The following SLC39A11 variants were observed in gnomAD, a reference collection of about 807,000 sequenced individuals.
SLC39A11 encodes the protein zinc transporter ZIP11.
A neutral mutation model predicts 36.1 loss-of-function variants in SLC39A11; 33 were observed. The ratio of observed to expected loss-of-function variants is 0.91; its 90% confidence interval spans 0.69 to 1.22. The LOEUF is 1.22. Ranked by LOEUF, SLC39A11 falls within the 50% of genes most tolerant of loss-of-function variation. The probability of loss-of-function intolerance (pLI) is 0.00; values close to 1 mark genes in which losing one functional copy is unlikely to be tolerated. For missense variants in SLC39A11, 432 were observed against 430.3 expected, an observed-to-expected ratio of 1.00 and a Z score of -0.03; for synonymous variants, 166 against 170.3, an observed-to-expected ratio of 0.97 and a Z score of 0.20.
chr17:72,673,153 GC>G (rs1237430303), intron 7 of SLC39A11, among the ~76,000 whole-genome samples: 2 of 152,064 alleles, frequency 1.3e-5, no homozygotes, highest in African/African-American at 4.8e-5. Flanking sequence ...TGTCACCCAG[GC>G]TGGAGAGCAA....
chr17:72,722,378 T>A (rs1407233583), intron 7 of SLC39A11, among the ~76,000 whole-genome samples: 1 of 152,204 alleles, frequency 6.6e-6, no homozygotes, highest in Non-Finnish European at 1.5e-5. Context: ...CAGAATAAAT[T>A]GCAGAGTCCA....
At chr17:73,052,307 T>A (rs1302583996) in intron 3 of SLC39A11, among the ~76,000 whole-genome samples, 1 of 150,538 alleles carries the variant, frequency 6.6e-6, no homozygotes, top group African/African-American at 2.5e-5. Flanking sequence ...AAAGACAGGA[T>A]GCTAGAGGGG....
At chr17:72,751,598 G>C (rs1173500195) in intron 6 of SLC39A11, among the ~76,000 whole-genome samples, 1 of 151,270 alleles carries the variant, frequency 6.6e-6, no homozygotes, top group African/African-American at 2.4e-5. Context: ...TTTTTTTTGA[G>C]ACAGAGTCTT....
intron 5 of SLC39A11, among the ~76,000 whole-genome samples, chr17:72,897,148 C>CATG (rs1421202954): frequency 2.6e-5 from 4 of 151,182 alleles, no homozygotes; most frequent in Non-Finnish European, 5.9e-5. Flanking sequence ...GACCAGGAAG[C>CATG]ATGGAAACCA....
chr17:72,889,602 A>G (rs78429640), intron 5 of SLC39A11, among the ~76,000 whole-genome samples: 1 of 152,288 alleles, frequency 6.6e-6, no homozygotes, highest in African/African-American at 2.4e-5. Context: ...TCACAAAACA[A>G]TTTGATTCAA....
intron 7 of SLC39A11, among the ~76,000 whole-genome samples, chr17:72,698,305 T>C (rs2072414061): frequency 6.6e-6 from 1 of 152,214 alleles, no homozygotes; most frequent in South Asian, 2.1e-4. Context: ...ACTAAACTGA[T>C]GTGGTTACTC....
intron 5 of SLC39A11, among the ~76,000 whole-genome samples, chr17:72,899,988 A>AAGAGAGAGAGAGAGAAAGAG (rs1199171857): frequency 8.4e-5 from 2 of 23,812 alleles, no homozygotes; most frequent in East Asian, 5.3e-3. Flanking sequence ...GAGAGAAAGA[A>AAGAGAGAGAGAGAGAAAGAG]AGAGAGAGAG....
intron 3 of SLC39A11, among the ~76,000 whole-genome samples, chr17:73,032,889 C>T (rs188943919): frequency 1.3e-5 from 2 of 152,282 alleles, no homozygotes; most frequent in Admixed American, 1.3e-4. Context: ...ATGATGTTTT[C>T]TATTGCGATT....
chr17:72,771,697 T>C (rs984694448), intron 6 of SLC39A11, among the ~76,000 whole-genome samples: 4 of 152,222 alleles, frequency 2.6e-5, no homozygotes, highest in African/African-American at 9.6e-5. Context: ...TCAGCCACGC[T>C]GAGGCCAACT....
chr17:72,754,552 G>A (rs1322068860), intron 6 of SLC39A11, among the ~76,000 whole-genome samples: 1 of 150,006 alleles, frequency 6.7e-6, no homozygotes, highest in Non-Finnish European at 1.5e-5. Flanking sequence ...AAGAGTGTGG[G>A]AATCATAAAG....
chr17:72,959,805 T>G (rs993020919), intron 4 of SLC39A11, among the ~76,000 whole-genome samples: 2 of 152,162 alleles, frequency 1.3e-5, no homozygotes, highest in African/African-American at 4.8e-5. Context: ...AAGTCACCAC[T>G]CTCTGTGCCT....
intron 5 of SLC39A11, among the ~76,000 whole-genome samples, chr17:72,854,481 C>A (rs1157536171): frequency 1.3e-5 from 2 of 152,080 alleles, no homozygotes; most frequent in East Asian, 3.9e-4. Context: ...TTCTTACTTG[C>A]AGACAAACCT....
intron 5 of SLC39A11, among the ~76,000 whole-genome samples, chr17:72,850,487 G>A (rs1309628925): frequency 1.3e-5 from 2 of 151,614 alleles, no homozygotes; most frequent in African/African-American, 2.4e-5. Flanking sequence ...TCACTGAACA[G>A]GCATTCAGTG....
At chr17:72,670,735 G>A (rs978561779) in intron 7 of SLC39A11, among the ~76,000 whole-genome samples, 1 of 152,156 alleles carries the variant, frequency 6.6e-6, no homozygotes, top group Non-Finnish European at 1.5e-5. Context: ...GTCAAAAGAT[G>A]CGTTTTGATA....
intron 4 of SLC39A11, among the ~76,000 whole-genome samples, chr17:72,970,464 A>C (rs2087355510): frequency 6.6e-6 from 1 of 152,240 alleles, no homozygotes. Context: ...AAACAAAGGG[A>C]ATTCTGAGCA....
intron 6 of SLC39A11, among the ~76,000 whole-genome samples, chr17:72,741,516 C>T (rs2074702639): frequency 6.6e-6 from 1 of 152,190 alleles, no homozygotes. Flanking sequence ...AGGTATAAGG[C>T]TTATAGCCCA....
intron 5 of SLC39A11, among the ~76,000 whole-genome samples, chr17:72,904,612 A>G (rs2082556982): frequency 6.6e-6 from 1 of 152,178 alleles, no homozygotes; most frequent in African/African-American, 2.4e-5. Flanking sequence ...TTTGCCACTG[A>G]AGGAATCCTG....
chr17:72,971,877 A>G (rs1264694154), intron 4 of SLC39A11, among the ~76,000 whole-genome samples: 2 of 152,170 alleles, frequency 1.3e-5, no homozygotes, highest in African/African-American at 2.4e-5. Flanking sequence ...GGTTTTATCT[A>G]CAAAGCACCT....
intron 5 of SLC39A11, among the ~76,000 whole-genome samples, chr17:72,893,818 A>G (rs1232593234): frequency 6.6e-6 from 1 of 152,186 alleles, no homozygotes; most frequent in Admixed American, 6.5e-5. Context: ...GATAAGTCCC[A>G]TTGTTGGAGA....
Sources: gnomAD v4.1 joint callset for allele counts (sites outside exome capture counted in the v4.1 genomes callset) on GRCh38, gnomAD v4.1.1 for gene constraint, MANE v1.5 for transcripts, NCBI Gene and HGNC (gene_info 2026-07-23, HGNC 2026-07-21) for gene names.